The following HNRNPR variants were observed in gnomAD, a reference collection of about 807,000 sequenced individuals.
The protein encoded by HNRNPR is heterogeneous nuclear ribonucleoprotein R.
In HNRNPR, 4 loss-of-function variants were observed where a neutral mutation model predicts 70.3. The observed-to-expected ratio is 0.06, with a 90% CI of 0.03 to 0.13. The LOEUF is 0.13. Ranked by LOEUF, HNRNPR falls within the 10% of genes least tolerant of loss-of-function variation. The pLI is 1.00. For synonymous variants in HNRNPR, 241 were observed against 267.6 expected (o/e 0.90, Z 0.97); for missense variants, 423 against 788.5 (o/e 0.54, Z 5.55).
chr1:23,313,175 T>TGTACACCACACAGTTTCCTTCATAG (rs1645401139), intron 9 of HNRNPR, among the ~76,000 whole-genome samples: 1 of 152,176 alleles, frequency 6.6e-6, no homozygotes, highest in East Asian at 1.9e-4. Context: ...GTATGAGTCA[T>TGTACACCACACAGTTTCCTTCATAG]GTACACCACT....
intron 5 of HNRNPR, among the ~76,000 whole-genome samples, chr1:23,327,740 G>A (rs1190990160): frequency 1.3e-5 from 2 of 151,750 alleles, no homozygotes; most frequent in African/African-American, 4.8e-5. Flanking sequence ...ATTTTAAGAG[G>A]TATTAAATGT....
At chr1:23,324,291 G>A (rs1371670771) in intron 5 of HNRNPR, among the ~76,000 whole-genome samples, 1 of 152,094 alleles carries the variant, frequency 6.6e-6, no homozygotes, top group Non-Finnish European at 1.5e-5. Context: ...AACCTCGGCC[G>A]GGCGCGGCAG....
intron 8 of HNRNPR, among the ~76,000 whole-genome samples, chr1:23,315,707 C>T (rs906256601): frequency 2.0e-5 from 3 of 152,126 alleles, no homozygotes; most frequent in African/African-American, 2.4e-5. Context: ...ACTAAGAAAA[C>T]ATAGTACCTA....
Position 23,310,658 on chromosome 1 carries a change from C to A in HNRNPR, c.1698G>T (p.Gly566=). ...CCTTTCTCTTGCCTCCTACATTGCC[C>A]CCACGATTGCCCCGAGATCCACGGG... ...RGSRGSRGNR[G]GNVGGKRKAD... is the part of the protein sequence containing the mutation. Residue 566 remains glycine, a synonymous_variant, in exon 11 of 11, where the codon GGG becomes GGT. Transcript: ENST00000302271. This position sits in a 1 kb window ranked among gnomAD's most constrained non-coding sequence, Gnocchi z 6.0. 6.2e-7 allele frequency: 1 copy of A among 1,613,618 alleles called. No homozygotes were observed. The highest frequency in any genetic ancestry group is 8.5e-7 in the Non-Finnish European group (1 of 1,179,766).
chr1:23,314,973 T>C (rs936010049), intron 8 of HNRNPR, among the ~76,000 whole-genome samples: 11 of 152,142 alleles, frequency 7.2e-5, no homozygotes, highest in East Asian at 3.9e-4. Context: ...TAGACTACTA[T>C]GTAGTCATAA....
At chr1:23,324,678 G>GA (rs1167653280) in intron 5 of HNRNPR, among the ~76,000 whole-genome samples, 5 of 151,336 alleles carry the variant, frequency 3.3e-5, no homozygotes, top group Admixed American at 2.0e-4. Context: ...TTTAAGGTAT[G>GA]AAAAAAAACC....
Position 23,336,116 on chromosome 1 carries a change from CA to C in HNRNPR, c.384+1637del, listed in dbSNP as rs71020498. ...TGGGCGACAGAGCGAGACTCCGTCT[CA>C]AAAAAAAAAAAAAAAGTCTATCACA... On this transcript the variant is annotated intron_variant, in intron 4 of 10. Transcript: ENST00000302271. 5.5e-4 allele frequency among the ~76,000 whole-genome samples: 27 copies of C among 49,482 alleles called. 2 individuals carry two copies. Among genetic ancestry groups the C allele is most frequent in the South Asian group, 2.7e-3 (4 of 1,508 alleles). The allele number at this position is 49,482 out of a possible 152,430, so 32.5% of individuals were successfully genotyped here. A position where few individuals can be genotyped will look rare whatever the true frequency, so the allele number is the denominator to read the frequency against.
At chr1:23,335,613 A>G (rs1646440882) in intron 4 of HNRNPR, among the ~76,000 whole-genome samples, 1 of 151,840 alleles carries the variant, frequency 6.6e-6, no homozygotes, top group Admixed American at 6.6e-5. Context: ...CATACAAGGG[A>G]TCTAGGTTGC....
At chr1:23,335,840 G>C (rs978520904) in intron 4 of HNRNPR, among the ~76,000 whole-genome samples, 2 of 151,686 alleles carry the variant, frequency 1.3e-5, no homozygotes, top group Admixed American at 6.6e-5. Flanking sequence ...TATCACAGCC[G>C]GGCGCGGTGG....
chr1:23,321,890 C>T (rs953218271), intron 6 of HNRNPR, among the ~76,000 whole-genome samples: 30 of 152,138 alleles, frequency 2.0e-4, no homozygotes, highest in African/African-American at 6.3e-4. Context: ...ATAAAAAGGA[C>T]TCACTTTATT....
At position 23,305,224 on chromosome 1, in the gene HNRNPR, C is replaced by G. The variant is rs1261713868; in HGVS notation, c.*5230G>C. 1 of 152,106 alleles carries G rather than the reference C, an allele frequency of 6.6e-6. No homozygotes were observed. The highest frequency in any genetic ancestry group is 2.4e-5 in the African/African-American group (1 of 41,406). 9.4% of individuals were successfully genotyped at this position (152,106 alleles called of 1,614,324 possible). A position where few individuals can be genotyped will look rare whatever the true frequency, so the allele number is the denominator to read the frequency against. ...ACTCATCAGAATTACATGAATATTCCTACTGCTTACCTTAAAACTTCCTAA... is the reference window on the plus strand; with the variant it reads ...ACTCATCAGAATTACATGAATATTCGTACTGCTTACCTTAAAACTTCCTAA... On this transcript the variant is annotated 3_prime_UTR_variant, in exon 11 of 11. Transcript: ENST00000302271.
intron 8 of HNRNPR, among the ~76,000 whole-genome samples, chr1:23,315,180 T>G (rs1180274877): frequency 2.7e-5 from 4 of 147,930 alleles, no homozygotes. Flanking sequence ...CTCGGGAAGC[T>G]GAGGCAGGAG....
intron 5 of HNRNPR, among the ~76,000 whole-genome samples, chr1:23,332,114 A>G (rs1646257393): frequency 6.6e-6 from 1 of 152,126 alleles, no homozygotes; most frequent in South Asian, 2.1e-4. Flanking sequence ...CCTGGGCGAC[A>G]GAGCGAGACT....
intron 5 of HNRNPR, among the ~76,000 whole-genome samples, chr1:23,331,397 C>CA (rs1646215210): frequency 8.1e-5 from 3 of 37,190 alleles, no homozygotes; most frequent in African/African-American, 1.7e-4. Flanking sequence ...TCCATCTCCA[C>CA]AAAAAATTAA....
intron 5 of HNRNPR, 74 bp downstream of exon 5, chr1:23,333,444 G>A (rs1279356028): frequency 9.3e-6 from 8 of 863,674 alleles, no homozygotes; most frequent in South Asian, 4.2e-5. Context: ...TCCCCCGTCT[G>A]TACAGTATCT....
intron 7 of HNRNPR, among the ~76,000 whole-genome samples, chr1:23,321,252 G>A (rs1645747815): frequency 6.6e-6 from 1 of 151,388 alleles, no homozygotes; most frequent in South Asian, 2.1e-4. Context: ...TAATTGTCAA[G>A]GGGAAAAAAA....
chr1:23,343,523 A>C (rs1356969537), intron 1 of HNRNPR, among the ~76,000 whole-genome samples: 2 of 152,298 alleles, frequency 1.3e-5, no homozygotes, highest in East Asian at 1.9e-4. Flanking sequence ...TGTAAGAAAA[A>C]GGATCGCCTT....
rs766786281 is a variant in HNRNPR at position 23,310,812 on chromosome 1, G to C, written c.1544C>G (p.Pro515Arg). 2 of 1,613,872 alleles carry C rather than the reference G, an allele frequency of 1.2e-6. No homozygotes were observed. The highest frequency in any genetic ancestry group is 1.7e-6 in the Non-Finnish European group (2 of 1,179,928). ...GRGGRGAPPP[P>R]RGRGAPPPRG... ...TGGAGGTGGTGCTCCCCTCCCCCTT[G>C]GTGGTGGTGGAGCACCTCGCCCTCC... The change falls in exon 11 of 11, where the codon CCA (proline) becomes CGA (arginine). Residue 515 changes from proline (P) to arginine (R), a missense_variant. Pro to Arg is a moderately radical substitution (Grantham distance 103). Around this residue, in one of 7 missense-constraint regions of HNRNPR, gnomAD observed 169 missense variants for 195.6 expected, o/e 0.86. Transcript: ENST00000302271. This position sits in a 1 kb window ranked among gnomAD's most constrained non-coding sequence, Gnocchi z 6.0.
At chr1:23,325,102 T>C (rs992345769) in intron 5 of HNRNPR, among the ~76,000 whole-genome samples, 2 of 151,640 alleles carry the variant, frequency 1.3e-5, no homozygotes, top group Non-Finnish European at 2.9e-5. Context: ...ATCGCGCCAC[T>C]ACACTCCAGC....
Sources: gnomAD v4.1 joint callset for allele counts (sites outside exome capture counted in the v4.1 genomes callset) on GRCh38, gnomAD v4.1.1 for gene constraint, gnomAD v4.1.1 regional missense constraint, Gnocchi (gnomAD v3.1) non-coding constraint, MANE v1.5 for transcripts, NCBI Gene and HGNC (gene_info 2026-07-23, HGNC 2026-07-21) for gene names.